MAP3K20: variants seen among roughly 807,000 people sequenced by gnomAD.
The protein encoded by MAP3K20 is mitogen-activated protein kinase kinase kinase 20, also known as HCCS-4.
A neutral mutation model predicts 85.7 loss-of-function variants in MAP3K20; 40 were observed. The ratio of observed to expected loss-of-function variants is 0.47; its 90% CI spans 0.36 to 0.61. The LOEUF is 0.61. Among genes scored for constraint, MAP3K20 ranks in the 20% least tolerant of loss-of-function variants. The pLI, the probability that MAP3K20 is intolerant of heterozygous loss-of-function variation, is 0.00. For synonymous variants in MAP3K20, 325 were observed against 327.7 expected (o/e 0.99, Z 0.09); for missense variants, 817 against 961.7 (o/e 0.85, Z 1.99).
At chr2:173,208,816 C>T (rs1016448128) in intron 9 of MAP3K20, among the ~76,000 whole-genome samples, 6 of 152,144 alleles carry the variant, frequency 3.9e-5, no homozygotes, top group East Asian at 3.8e-4. Context: ...TCAGTAATGG[C>T]GTAATTACGA....
chr2:173,235,214 G>A (rs893986898), intron 14 of MAP3K20, among the ~76,000 whole-genome samples: 1 of 152,262 alleles, frequency 6.6e-6, no homozygotes, highest in Admixed American at 6.5e-5. Context: ...TGTCTGCCAA[G>A]AGGCAGGGGC....
chr2:173,179,995 A>T (rs1690279319), intron 3 of MAP3K20, among the ~76,000 whole-genome samples: 1 of 152,228 alleles, frequency 6.6e-6, no homozygotes, highest in Non-Finnish European at 1.5e-5. Flanking sequence ...ACATTTACAT[A>T]TTTATGGTTT....
At chr2:173,227,097 C>T in intron 11 of MAP3K20, 4 of 985,816 alleles carry the variant, frequency 4.1e-6, no homozygotes, top group Non-Finnish European at 4.8e-6. Context: ...CTTTTCTTTG[C>T]TTTCCTTTGT....
intron 2 of MAP3K20, among the ~76,000 whole-genome samples, chr2:173,159,284 G>A (rs1428567254): frequency 6.6e-6 from 1 of 150,652 alleles, no homozygotes. Context: ...ACAGAAAGCC[G>A]ACTGAATTCT....
intron 7 of MAP3K20, 57 bp downstream of exon 7, chr2:173,191,234 A>G: frequency 1.2e-6 from 2 of 1,600,638 alleles, no homozygotes; most frequent in Admixed American, 1.7e-5. Context: ...CAAACACTCA[A>G]AAGAAGAGAG....
chr2:173,247,750 A>G (rs11676760), intron 16 of MAP3K20, among the ~76,000 whole-genome samples: 151,193 of 152,328 alleles, frequency 0.99, 75,048 homozygotes, highest in Middle Eastern at 1. Context: ...AACTTTTGGA[A>G]GTGATAGATA....
intron 3 of MAP3K20, among the ~76,000 whole-genome samples, chr2:173,173,781 C>T (rs1423622940): frequency 1.3e-5 from 2 of 152,044 alleles, no homozygotes; most frequent in African/African-American, 2.4e-5. Context: ...AAAGAGATTT[C>T]GTGGTAATGG....
chr2:173,079,607 T>G (rs921046169), intron 1 of MAP3K20, among the ~76,000 whole-genome samples: 6 of 152,178 alleles, frequency 3.9e-5, no homozygotes, highest in African/African-American at 1.4e-4. Flanking sequence ...ATACAAAAAT[T>G]CTTTATATCC....
chr2:173,264,824 G>A (rs1048153252), intron 19 of MAP3K20, among the ~76,000 whole-genome samples: 2 of 152,144 alleles, frequency 1.3e-5, no homozygotes, highest in African/African-American at 2.4e-5. Context: ...GTAGAAGACA[G>A]TTAACAAGTG....
At position 173,239,440 on chromosome 2, in the gene MAP3K20, A is replaced by T. The variant is rs779003244; in HGVS notation, c.1303A>T (p.Ile435Leu). 16 of 1,613,634 alleles carry T rather than the reference A, an allele frequency of 9.9e-6. No homozygotes were observed. The highest frequency in any genetic ancestry group is 6.7e-5 in the Admixed American group (4 of 59,880). Residue 435 changes from isoleucine (I) to leucine (L), a missense_variant, in exon 16 of 20, where the codon ATA becomes TTA. By Grantham distance (5) the Ile-to-Leu change is conservative (BLOSUM62 2). This residue lies in a region of MAP3K20 where 454 missense variants were observed against 476.9 expected (regional missense o/e 0.95). Coordinates refer to ENST00000375213, the MANE Select transcript of MAP3K20 (RefSeq NM_016653.3). ...GGEPEENEEKIVNLELVFGFH... is the reference protein window; with the variant it reads ...GGEPEENEEKLVNLELVFGFH... ...TGAACCTGAAGAAAATGAGGAAAAA[A>T]TAGTGAACCTGGAACTGGTTTTTGG... is the stretch of plus-strand genomic sequence containing the variant.
At chr2:173,180,791 T>G (rs181098442) in intron 3 of MAP3K20, among the ~76,000 whole-genome samples, 1 of 152,032 alleles carries the variant, frequency 6.6e-6, no homozygotes, top group African/African-American at 2.4e-5. Context: ...AACTATAAAC[T>G]CTCAAAAGAA....
Position 173,123,175 on chromosome 2 carries a change from A to C in MAP3K20, c.159+31985A>C, listed in dbSNP as rs112259789. On this transcript the variant is annotated intron_variant, in intron 2 of 19. Coordinates refer to ENST00000375213, the MANE Select transcript of MAP3K20 (RefSeq NM_016653.3). ...GCATTTCAACCTCATTACAAGTTTC[A>C]GTCAACCAACCAAGTAAGCTCTCAG... is the stretch of plus-strand genomic sequence containing the variant. 6.7e-3 allele frequency among the ~76,000 whole-genome samples: 1,026 copies of C among 152,322 alleles called. 6 individuals carry two copies. The highest frequency in any genetic ancestry group is 8.2e-3 in the Non-Finnish European group (557 of 68,016).
chr2:173,132,232 A>C (rs1485727902), intron 2 of MAP3K20, among the ~76,000 whole-genome samples: 1 of 152,210 alleles, frequency 6.6e-6, no homozygotes, highest in African/African-American at 2.4e-5. Context: ...AGATCAGATC[A>C]TGTCATTTCT....
At chr2:173,132,901 A>G (rs1688658026) in intron 2 of MAP3K20, among the ~76,000 whole-genome samples, 1 of 152,230 alleles carries the variant, frequency 6.6e-6, no homozygotes, top group Non-Finnish European at 1.5e-5. Flanking sequence ...TATTAAATAA[A>G]TGTTAGAAAT....
intron 2 of MAP3K20, among the ~76,000 whole-genome samples, chr2:173,128,310 G>T (rs74897387): frequency 9.4e-6 from 1 of 106,386 alleles, no homozygotes; most frequent in Non-Finnish European, 1.8e-5. Flanking sequence ...CATTATAGTT[G>T]ACTTATTTAT....
intron 12 of MAP3K20, among the ~76,000 whole-genome samples, chr2:173,230,051 C>T (rs1268244781): frequency 6.6e-6 from 1 of 152,122 alleles, no homozygotes; most frequent in African/African-American, 2.4e-5. Flanking sequence ...AGGCTGGTCT[C>T]GAACTCCTGA....
intron 10 of MAP3K20, among the ~76,000 whole-genome samples, chr2:173,213,511 G>A (rs748541887): frequency 5.3e-5 from 8 of 152,164 alleles, no homozygotes; most frequent in Admixed American, 1.3e-4. Context: ...CACTTATTAG[G>A]TTCTTACCAG....
At chr2:173,243,781 G>A (rs1292792018) in intron 16 of MAP3K20, among the ~76,000 whole-genome samples, 1 of 151,998 alleles carries the variant, frequency 6.6e-6, no homozygotes, top group Non-Finnish European at 1.5e-5. Flanking sequence ...CCGCCACCAC[G>A]CCCGGCTAAT....
At chr2:173,221,728 C>A in intron 11 of MAP3K20, 1 of 1,291,836 alleles carries the variant, frequency 7.7e-7, no homozygotes. Flanking sequence ...AGAATTAAGC[C>A]AAAGAAGTAT....
Sources: allele counts gnomAD v4.1 joint callset (sites outside exome capture counted in the v4.1 genomes callset), GRCh38; gene constraint gnomAD v4.1.1; regional missense constraint gnomAD v4.1.1; transcripts MANE v1.5; gene names NCBI Gene and HGNC (gene_info 2026-07-23, HGNC 2026-07-21).